GRIN2A: variants seen among roughly 807,000 people sequenced by gnomAD.
GRIN2A encodes glutamate ionotropic receptor NMDA type subunit 2A, also known as glutamate receptor ionotropic, NMDA 2A.
Under a neutral mutation model 113.4 loss-of-function variants are expected in GRIN2A, and 22 were observed. The ratio of observed to expected loss-of-function variants is 0.19; its 90% CI spans 0.14 to 0.28. The LOEUF (loss-of-function observed/expected upper bound fraction) is 0.28, where lower values mean the gene tolerates loss of function less well. Among genes scored for constraint, GRIN2A ranks in the 10% least tolerant of loss-of-function variants. The probability of loss-of-function intolerance (pLI) is 1.00; values close to 1 mark genes in which losing one functional copy is unlikely to be tolerated. For synonymous variants in GRIN2A, 827 were observed against 738.4 expected (o/e 1.12, Z -1.94); for missense variants, 1,502 against 1,887.0 (o/e 0.80, Z 3.78).
chr16:9,986,807 G>A (rs1348769086), intron 2 of GRIN2A, among the ~76,000 whole-genome samples: 1 of 150,368 alleles, frequency 6.7e-6, no homozygotes, highest in Non-Finnish European at 1.5e-5. Flanking sequence ...TATTTTGTCA[G>A]TATTTTATCT....
chr16:10,129,179 G>A (rs2049010917), intron 2 of GRIN2A, among the ~76,000 whole-genome samples: 3 of 152,044 alleles, frequency 2.0e-5, no homozygotes, highest in Admixed American at 2.0e-4. Context: ...GGGCTCAAGT[G>A]ATCGTCCTAC....
chr16:10,028,861 A>G (rs537075714), intron 2 of GRIN2A, among the ~76,000 whole-genome samples: 72 of 152,348 alleles, frequency 4.7e-4, no homozygotes, highest in Non-Finnish European at 8.5e-4. Flanking sequence ...ATAAAACTTT[A>G]TTCACAAAAA....
chr16:10,093,956 A>G (rs1440379600), intron 2 of GRIN2A, among the ~76,000 whole-genome samples: 19 of 152,188 alleles, frequency 1.2e-4, no homozygotes, highest in Non-Finnish European at 2.4e-4. Context: ...ATGAAACCCA[A>G]AGAGAACTGA....
At chr16:9,785,333 G>A (rs566994317) in intron 11 of GRIN2A, among the ~76,000 whole-genome samples, 19 of 150,664 alleles carry the variant, frequency 1.3e-4, no homozygotes, top group East Asian at 3.9e-4. Context: ...GCAAACTATC[G>A]CAAGGACAAA....
chr16:10,159,949 C>T (rs191792854), intron 2 of GRIN2A, among the ~76,000 whole-genome samples: 60 of 152,242 alleles, frequency 3.9e-4, no homozygotes, highest in Admixed American at 1.0e-3. Flanking sequence ...CAGAGTTTGC[C>T]GCAAGTCAAG....
chr16:10,015,010 T>A (rs978127298), intron 2 of GRIN2A, among the ~76,000 whole-genome samples: 1 of 151,724 alleles, frequency 6.6e-6, no homozygotes, highest in Non-Finnish European at 1.5e-5. Context: ...TCCCAGCACT[T>A]TGGGAGGCCA....
intron 2 of GRIN2A, chr16:10,111,739 G>C: frequency 6.6e-7 from 1 of 1,522,686 alleles, no homozygotes; most frequent in East Asian, 2.3e-5. Flanking sequence ...GGACCCCGTG[G>C]TGCTGAGCCC....
At chr16:9,968,439 A>G (rs1265545280) in intron 2 of GRIN2A, among the ~76,000 whole-genome samples, 1 of 152,030 alleles carries the variant, frequency 6.6e-6, no homozygotes, top group East Asian at 1.9e-4. Context: ...TCAGCCTCCC[A>G]AGTAGCTGGA....
chr16:9,806,427 AT>A (rs36005383), intron 10 of GRIN2A, among the ~76,000 whole-genome samples: 49,008 of 151,872 alleles, frequency 0.32, 8,126 homozygotes, highest in African/African-American at 0.41. Flanking sequence ...TGTGTGGCTT[AT>A]TTTTTTTACC....
intron 2 of GRIN2A, among the ~76,000 whole-genome samples, chr16:10,041,208 T>G (rs2047162013): frequency 6.6e-6 from 1 of 152,258 alleles, no homozygotes; most frequent in Non-Finnish European, 1.5e-5. Context: ...AAGCTCATTT[T>G]TACCAGCTAA....
In GRIN2A at chr16:9,755,825, C is replaced by T. The variant is rs16966244; in HGVS notation, c.*7324G>A. The T allele has an allele frequency of 0.033, 6,606 of 200,584 alleles. 249 individuals are homozygous for T. Among genetic ancestry groups the T allele is most frequent in the African/African-American group, 0.11 (4,597 of 43,156 alleles). 12.4% of individuals were successfully genotyped at this position (200,584 alleles called of 1,614,324 possible). A position where few individuals can be genotyped will look rare whatever the true frequency, so the allele number is the denominator to read the frequency against. ...GTCATTATCCTAATGCTAAGTGAGCCGGGAATTATCTCTAAGACAATTTGG... is the reference window on the plus strand; with the variant it reads ...GTCATTATCCTAATGCTAAGTGAGCTGGGAATTATCTCTAAGACAATTTGG... On this transcript the variant is annotated 3_prime_UTR_variant, in exon 13 of 13. Transcript: ENST00000330684.
chr16:9,808,424 G>C (rs889494149), intron 10 of GRIN2A, among the ~76,000 whole-genome samples: 1 of 152,294 alleles, frequency 6.6e-6, no homozygotes, highest in South Asian at 2.1e-4. Context: ...TGTCACACAG[G>C]AGGACTGAAA....
intron 8 of GRIN2A, among the ~76,000 whole-genome samples, chr16:9,829,997 T>G (rs542667072): frequency 6.6e-6 from 1 of 152,326 alleles, no homozygotes; most frequent in African/African-American, 2.4e-5. Flanking sequence ...TTAATAAACA[T>G]AAAGAGAGCC....
At chr16:9,818,206 T>C (rs2042219981) in intron 10 of GRIN2A, among the ~76,000 whole-genome samples, 1 of 151,950 alleles carries the variant, frequency 6.6e-6, no homozygotes, top group East Asian at 1.9e-4. Flanking sequence ...TGGTGGGACG[T>C]TGAGAAGACA....
At chr16:10,046,090 A>C (rs981335207) in intron 2 of GRIN2A, among the ~76,000 whole-genome samples, 1 of 152,108 alleles carries the variant, frequency 6.6e-6, no homozygotes, top group Admixed American at 6.5e-5. Flanking sequence ...GCTCTAAGCC[A>C]ATATGATAGC....
intron 4 of GRIN2A, among the ~76,000 whole-genome samples, chr16:9,870,380 AG>A (rs1380497985): frequency 6.6e-6 from 1 of 152,160 alleles, no homozygotes; most frequent in Non-Finnish European, 1.5e-5. Context: ...GAAAAGAAAT[AG>A]AAAAAAAAAG....
At chr16:9,864,968 A>G (rs2043138117) in intron 4 of GRIN2A, among the ~76,000 whole-genome samples, 1 of 152,236 alleles carries the variant, frequency 6.6e-6, no homozygotes, top group South Asian at 2.1e-4. Context: ...GGTGAAATGC[A>G]TCGTTATGAT....
chr16:9,963,615 C>A (rs2045488122), intron 2 of GRIN2A, among the ~76,000 whole-genome samples: 1 of 152,176 alleles, frequency 6.6e-6, no homozygotes, highest in East Asian at 1.9e-4. Context: ...TTGAGCTTTA[C>A]ACTTAAGATT....
intron 3 of GRIN2A, among the ~76,000 whole-genome samples, chr16:9,893,199 G>T (rs1256292001): frequency 6.6e-6 from 1 of 152,198 alleles, no homozygotes; most frequent in African/African-American, 2.4e-5. Context: ...AATTAATGAT[G>T]CAGAGAAAAT....
Sources: allele counts gnomAD v4.1 joint callset (sites outside exome capture counted in the v4.1 genomes callset), GRCh38; gene constraint gnomAD v4.1.1; transcripts MANE v1.5; gene names NCBI Gene and HGNC (gene_info 2026-07-23, HGNC 2026-07-21).